Variants in TNRC6A observed in about 807,000 individuals in gnomAD.
TNRC6A encodes the protein trinucleotide repeat-containing gene 6A protein.
In TNRC6A, 44 loss-of-function variants were observed where a neutral mutation model predicts 221.2. That is an observed-to-expected ratio of 0.20 (90% CI 0.16 to 0.26). The LOEUF is 0.26. TNRC6A is among the 10% of genes least tolerant of loss of function. The pLI is 1.00. For missense variants in TNRC6A, 2,199 were observed against 2,404.4 expected, an observed-to-expected ratio of 0.91 and a Z score of 1.79; for synonymous variants, 847 against 838.5, an observed-to-expected ratio of 1.01 and a Z score of -0.18.
chr16:24,785,320 A>C (rs2057942690), intron 5 of TNRC6A, among the ~76,000 whole-genome samples: 1 of 152,240 alleles, frequency 6.6e-6, no homozygotes, highest in Non-Finnish European at 1.5e-5. Context: ...AATTTCTTAT[A>C]ACTGAATTAA....
intron 2 of TNRC6A, among the ~76,000 whole-genome samples, chr16:24,692,993 A>G (rs998134485): frequency 2.0e-5 from 3 of 152,202 alleles, no homozygotes; most frequent in African/African-American, 7.2e-5. Context: ...CCGGTAATAT[A>G]TTCCTCACTG....
Position 24,771,582 on chromosome 16 carries a change from T to TTTTA in TNRC6A, c.164-5350_164-5349insTTAT. Among the ~76,000 whole-genome samples the TTTTA allele has an allele frequency of 9.2e-4, 88 of 95,514 alleles. 1 individual carries two copies. The highest frequency in any genetic ancestry group is 3.0e-3 in the African/African-American group (69 of 22,996). 62.7% of individuals were successfully genotyped at this position (95,514 alleles called of 152,430 possible). A position where few individuals can be genotyped will look rare whatever the true frequency, so the allele number is the denominator to read the frequency against. ...ATGTTTTATGTTATGTTATGTTATG[T>TTTTA]TGTTATGTTATGTTATGTTATGTTA... On this transcript the variant is annotated intron_variant, in intron 4 of 24. Coordinates refer to ENST00000395799, the MANE Select transcript of TNRC6A (RefSeq NM_014494.4).
chr16:24,714,740 T>C (rs533535064), intron 2 of TNRC6A, among the ~76,000 whole-genome samples: 1 of 152,340 alleles, frequency 6.6e-6, no homozygotes, highest in East Asian at 1.9e-4. Context: ...AATACAGCTC[T>C]AATAACTGTC....
At chr16:24,637,421 G>A (rs970827558) in intron 1 of TNRC6A, among the ~76,000 whole-genome samples, 11 of 152,164 alleles carry the variant, frequency 7.2e-5, no homozygotes, top group African/African-American at 1.9e-4. Flanking sequence ...AGGTCACTGA[G>A]GTTTACTTGT....
chr16:24,786,715 C>G (rs1427632068), intron 5 of TNRC6A, among the ~76,000 whole-genome samples: 2 of 149,198 alleles, frequency 1.3e-5, no homozygotes, highest in African/African-American at 2.5e-5. Context: ...TGGAGTCTCA[C>G]TCTGTTGCCA....
intron 2 of TNRC6A, among the ~76,000 whole-genome samples, chr16:24,655,208 C>A (rs1185581844): frequency 6.6e-6 from 1 of 151,936 alleles, no homozygotes; most frequent in Non-Finnish European, 1.5e-5. Flanking sequence ...CGTGCCACTG[C>A]ACTCTAGTCT....
At chr16:24,744,385 C>T (rs1471818043) in intron 2 of TNRC6A, among the ~76,000 whole-genome samples, 1 of 152,180 alleles carries the variant, frequency 6.6e-6, no homozygotes, top group East Asian at 1.9e-4. Context: ...GTTTTCTCAT[C>T]AATGTGCTTG....
intron 19 of TNRC6A, chr16:24,816,543 A>G (rs2058662698): frequency 3.1e-6 from 1 of 319,920 alleles, no homozygotes; most frequent in Non-Finnish European, 5.7e-6. Context: ...TAACACACAC[A>G]CAAGTACGTA....
chr16:24,797,010 T>A (rs1012920578), intron 9 of TNRC6A, among the ~76,000 whole-genome samples: 1 of 152,218 alleles, frequency 6.6e-6, no homozygotes, highest in Non-Finnish European at 1.5e-5. Context: ...TAAAATACTT[T>A]TTCATGTGGA....
At chr16:24,774,483 A>T (rs977058371) in intron 4 of TNRC6A, among the ~76,000 whole-genome samples, 11 of 152,148 alleles carry the variant, frequency 7.2e-5, no homozygotes, top group Admixed American at 5.9e-4. Context: ...GTTTTTGTAT[A>T]TAGGTTTTCT....
At chr16:24,624,279 T>C (rs945531815) in intron 1 of TNRC6A, among the ~76,000 whole-genome samples, 1 of 152,080 alleles carries the variant, frequency 6.6e-6, no homozygotes, top group African/African-American at 2.4e-5. Context: ...TGACATCCCA[T>C]TGGGTCACAG....
At chr16:24,682,793 A>G (rs1020680516) in intron 2 of TNRC6A, among the ~76,000 whole-genome samples, 1 of 152,102 alleles carries the variant, frequency 6.6e-6, no homozygotes. Context: ...CCCTTCCTCA[A>G]TCATCTTCTG....
In TNRC6A at chr16:24,746,745, G is replaced by A. The variant is rs112361329; in HGVS notation, c.54-3981G>A. Among the ~76,000 whole-genome samples the A allele has an allele frequency of 3.5e-3, 527 of 152,306 alleles. 2 individuals are homozygous for A. The highest frequency in any genetic ancestry group is 9.4e-3 in the Admixed American group (144 of 15,304). ...TACATACTTCTGATAGCAAGTACAAGAGTACCCTTCAGAAGGGATTAATTT... is the reference window on the plus strand; with the variant it reads ...TACATACTTCTGATAGCAAGTACAAAAGTACCCTTCAGAAGGGATTAATTT... On this transcript the variant is annotated intron_variant, in intron 2 of 24. Transcript: ENST00000395799.
At chr16:24,710,874 G>A (rs1363066885) in intron 2 of TNRC6A, among the ~76,000 whole-genome samples, 1 of 134,270 alleles carries the variant, frequency 7.4e-6, no homozygotes, top group African/African-American at 3.0e-5. Flanking sequence ...CACCATGCCC[G>A]GCTAATTTTT....
intron 2 of TNRC6A, among the ~76,000 whole-genome samples, chr16:24,706,975 C>CTT (rs1374367536): frequency 2.4e-4 from 31 of 127,322 alleles, no homozygotes; most frequent in Admixed American, 1.4e-3. Context: ...ATTTATTTAT[C>CTT]TATTTTTATT....
In TNRC6A at chr16:24,790,388, G is replaced by A. The variant is rs752893125; in HGVS notation, c.1746G>A (p.Gln582=). The part of the protein sequence containing the change: ...GVWESGAANS[Q]STSWGSGNGA... ...GGGAATCTGGTGCAGCAAACTCCCA[G>A]AGTACATCATGGGGAAGTGGAAATG... Residue 582 remains glutamine (Q), a synonymous_variant, in exon 6 of 25, where the codon CAG becomes CAA. Transcript: ENST00000395799. 5 of 1,614,216 alleles carry A rather than the reference G, an allele frequency of 3.1e-6. No individual in the cohort carries two copies. In the South Asian group the frequency reaches 5.5e-5, roughly 18 times the overall value.
chr16:24,804,712 T>C lies in TNRC6A; in HGVS notation c.3845T>C (p.Ile1282Thr), dbSNP rs2058395262. ...TTCTGTCTGTCCAATCAGGATGGCA[T>C]TGTAGCAGATGAATCCCAAAACATG... is the stretch of plus-strand genomic sequence containing the variant. ...ERNPYFDKDGIVADESQNMQF... is the reference protein window; with the variant it reads ...ERNPYFDKDGTVADESQNMQF... The change falls in exon 13 of 25, where the codon ATT (isoleucine) becomes ACT (threonine). Residue 1282 changes from isoleucine (I) to threonine (T), a missense_variant. Transcript: ENST00000395799. 11 of 1,589,852 alleles carry C rather than the reference T, an allele frequency of 6.9e-6. No homozygotes were observed. The highest frequency in any genetic ancestry group is 6.8e-5 in the African/African-American group (5 of 73,448).
intron 2 of TNRC6A, among the ~76,000 whole-genome samples, chr16:24,665,245 T>A (rs924863636): frequency 2.6e-5 from 4 of 151,998 alleles, no homozygotes; most frequent in Non-Finnish European, 2.9e-5. Context: ...AATTTTTTTT[T>A]AATTTTTCTT....
intron 5 of TNRC6A, among the ~76,000 whole-genome samples, chr16:24,783,638 G>A (rs575190651): frequency 7.9e-5 from 12 of 151,996 alleles, no homozygotes; most frequent in Admixed American, 3.3e-4. Context: ...TAAATAACGC[G>A]CAACCTTCCA....
Sources: gnomAD v4.1 joint callset for allele counts (sites outside exome capture counted in the v4.1 genomes callset) on GRCh38, gnomAD v4.1.1 for gene constraint, MANE v1.5 for transcripts, NCBI Gene and HGNC (gene_info 2026-07-23, HGNC 2026-07-21) for gene names.